ATXN1: variants seen among roughly 807,000 people sequenced by gnomAD.
ATXN1 encodes ataxin-1.
In ATXN1, 8 loss-of-function variants were observed where a neutral mutation model predicts 56.4. The ratio of observed to expected loss-of-function variants is 0.14; its 90% confidence interval spans 0.08 to 0.26. The LOEUF is 0.26. Among genes scored for constraint, ATXN1 ranks in the 10% least tolerant of loss-of-function variants. The pLI is 1.00. For synonymous variants in ATXN1, 514 were observed against 494.6 expected (o/e 1.04, Z -0.52); for missense variants, 987 against 1,106.5 (o/e 0.89, Z 1.53).
chr6:16,581,004 A>G (rs1046681153), intron 4 of ATXN1, among the ~76,000 whole-genome samples: 2 of 152,114 alleles, frequency 1.3e-5, no homozygotes, highest in Non-Finnish European at 2.9e-5. Flanking sequence ...AGAAATGTAC[A>G]TTTCAACCTT....
At chr6:16,745,247 A>G (rs1366748607) in intron 2 of ATXN1, among the ~76,000 whole-genome samples, 3 of 152,238 alleles carry the variant, frequency 2.0e-5, no homozygotes, top group Non-Finnish European at 4.4e-5. Flanking sequence ...CTTAGTATTG[A>G]GCCTTCTGAT....
intron 6 of ATXN1, among the ~76,000 whole-genome samples, chr6:16,337,807 T>C (rs1761156706): frequency 1.3e-5 from 2 of 152,178 alleles, no homozygotes; most frequent in Admixed American, 1.3e-4. Context: ...GACTAACTTG[T>C]TTCAAAGTGA....
At chr6:16,421,126 T>G (rs1032488407) in intron 6 of ATXN1, among the ~76,000 whole-genome samples, 3 of 152,198 alleles carry the variant, frequency 2.0e-5, no homozygotes, top group African/African-American at 7.2e-5. Flanking sequence ...CAGCTTTGTA[T>G]TTATTTATTA....
intron 2 of ATXN1, among the ~76,000 whole-genome samples, chr6:16,690,234 G>C (rs985524541): frequency 6.6e-6 from 1 of 152,004 alleles, no homozygotes; most frequent in African/African-American, 2.4e-5. Context: ...TTAAAATACT[G>C]TTTTTGCTCT....
intron 3 of ATXN1, among the ~76,000 whole-genome samples, chr6:16,610,859 A>T (rs1329253486): frequency 2.6e-4 from 4 of 15,312 alleles, no homozygotes; most frequent in Non-Finnish European, 3.6e-4. Flanking sequence ...CGTCATCTAT[A>T]AAAAAAAAAA....
chr6:16,401,725 C>T (rs777965350), intron 6 of ATXN1, among the ~76,000 whole-genome samples: 54 of 152,200 alleles, frequency 3.5e-4, no homozygotes, highest in Non-Finnish European at 6.0e-4. Flanking sequence ...ATGTTTATAT[C>T]TCATGAGTGT....
rs1442375745 is a variant in ATXN1 at position 16,303,896 on chromosome 6, T to C, written c.*2433A>G. On this transcript the variant is annotated 3_prime_UTR_variant, in exon 8 of 8. Transcript: ENST00000436367. This position sits in a 1 kb window ranked among gnomAD's most constrained non-coding sequence, Gnocchi z 4.3. ...ATAATTGCAAGTGCCCTGAGCAGAA[T>C]ATATGGAAGATTAAGCAAGTTCTCT... is the stretch of plus-strand genomic sequence containing the variant. 1 of 152,556 alleles carries C rather than the reference T, an allele frequency of 6.6e-6. No individual in the cohort carries two copies. Among genetic ancestry groups the C allele is most frequent in the Admixed American group, 6.5e-5 (1 of 15,280 alleles). The allele number at this position is 152,556 out of a possible 1,614,324, so 9.5% of individuals were successfully genotyped here.
intron 6 of ATXN1, among the ~76,000 whole-genome samples, chr6:16,360,653 C>T (rs1048778478): frequency 2.0e-5 from 3 of 152,200 alleles, no homozygotes; most frequent in Admixed American, 2.0e-4. Flanking sequence ...AAGTCCAGGG[C>T]TCATTCCAAA....
intron 5 of ATXN1, among the ~76,000 whole-genome samples, chr6:16,496,086 A>G (rs1327416457): frequency 6.6e-6 from 1 of 152,234 alleles, no homozygotes; most frequent in Non-Finnish European, 1.5e-5. Flanking sequence ...AACAGATACA[A>G]CAACTCCATA....
At chr6:16,636,189 G>A (rs952376385) in intron 3 of ATXN1, among the ~76,000 whole-genome samples, 11 of 152,168 alleles carry the variant, frequency 7.2e-5, no homozygotes, top group African/African-American at 2.7e-4. Context: ...CTGAAGGGAA[G>A]GAACCTCCAA....
chr6:16,579,493 A>ACCCC (rs917717347), intron 4 of ATXN1, among the ~76,000 whole-genome samples: 1 of 10,788 alleles, frequency 9.3e-5, no homozygotes, highest in African/African-American at 2.8e-4. Context: ...CCCCCCCCCC[A>ACCCC]CCCGCCGATT....
At chr6:16,529,386 T>A (rs1440591560) in intron 4 of ATXN1, among the ~76,000 whole-genome samples, 1 of 152,056 alleles carries the variant, frequency 6.6e-6, no homozygotes, top group Non-Finnish European at 1.5e-5. Context: ...CCTTGGCAAG[T>A]CAGTCTAACA....
chr6:16,342,633 T>G (rs192900018), intron 6 of ATXN1, among the ~76,000 whole-genome samples: 1 of 152,240 alleles, frequency 6.6e-6, no homozygotes, highest in Admixed American at 6.5e-5. Context: ...CATCAACAGA[T>G]GAATAAACTT....
chr6:16,375,033 C>G (rs1318373744), intron 6 of ATXN1, among the ~76,000 whole-genome samples: 1 of 152,174 alleles, frequency 6.6e-6, no homozygotes, highest in Non-Finnish European at 1.5e-5. Flanking sequence ...CGCCCACTCA[C>G]CCACCTACCC....
intron 2 of ATXN1, among the ~76,000 whole-genome samples, chr6:16,687,516 A>G (rs1346216536): frequency 2.6e-5 from 3 of 115,128 alleles, no homozygotes; most frequent in East Asian, 2.0e-4. Context: ...CGCAAGAGGG[A>G]AAAAAAAAAA....
At chr6:16,526,221 G>A (rs375912998) in intron 4 of ATXN1, among the ~76,000 whole-genome samples, 1 of 151,930 alleles carries the variant, frequency 6.6e-6, no homozygotes, top group African/African-American at 2.4e-5. Flanking sequence ...TTACATTGAA[G>A]GAATGAACCA....
At position 16,597,770 on chromosome 6, in the gene ATXN1, T is replaced by C. The variant is rs1762841741; in HGVS notation, c.-488-11863A>G. 1.3e-5 allele frequency among the ~76,000 whole-genome samples: 2 copies of C among 152,162 alleles called. 1 individual carries two copies. Among genetic ancestry groups the C allele is most frequent in the South Asian group, 4.1e-4 (2 of 4,832 alleles). On this transcript the variant is annotated intron_variant, in intron 3 of 7. Coordinates refer to ENST00000436367, the MANE Select transcript of ATXN1 (RefSeq NM_001128164.2). ...ACTATTCTTGATGTAAGGAGAAACA[T>C]ATTCCTAAATGCTAAAGGCAGTGCT...
At chr6:16,338,653 G>A (rs577550190) in intron 6 of ATXN1, among the ~76,000 whole-genome samples, 41 of 152,172 alleles carry the variant, frequency 2.7e-4, no homozygotes, top group East Asian at 2.3e-3. Context: ...GTACATGGTC[G>A]CCATCGTAGT....
At chr6:16,427,478 G>A (rs1275582821) in intron 6 of ATXN1, among the ~76,000 whole-genome samples, 1 of 152,210 alleles carries the variant, frequency 6.6e-6, no homozygotes, top group African/African-American at 2.4e-5. Context: ...AAGGTTAAAT[G>A]CACTCACATG....
Sources: gnomAD v4.1 joint callset for allele counts (sites outside exome capture counted in the v4.1 genomes callset) on GRCh38, gnomAD v4.1.1 for gene constraint, Gnocchi (gnomAD v3.1) non-coding constraint, MANE v1.5 for transcripts, NCBI Gene and HGNC (gene_info 2026-07-23, HGNC 2026-07-21) for gene names.